The following STAG1 variants were observed in gnomAD, a reference collection of about 807,000 sequenced individuals.
The protein encoded by STAG1 is cohesin subunit SA-1.
Under a neutral mutation model 170.9 loss-of-function variants are expected in STAG1, and 26 were observed. The ratio of observed to expected loss-of-function variants is 0.15; its 90% CI spans 0.11 to 0.21. The LOEUF is 0.21. STAG1 is among the 10% of genes least tolerant of loss of function. The probability of loss-of-function intolerance (pLI) is 1.00; values close to 1 mark genes in which losing one functional copy is unlikely to be tolerated. For missense variants in STAG1, 964 were observed against 1,509.5 expected (o/e 0.64, Z 5.99); for synonymous variants, 514 against 497.7 (o/e 1.03, Z -0.44).
At chr3:136,493,121 G>A (rs2090152900) in intron 9 of STAG1, among the ~76,000 whole-genome samples, 1 of 151,904 alleles carries the variant, frequency 6.6e-6, no homozygotes, top group Admixed American at 6.6e-5. Context: ...GGTGGTAAAT[G>A]GCTTGAGCCC....
At chr3:136,355,260 G>A (rs1357667076) in intron 28 of STAG1, among the ~76,000 whole-genome samples, 1 of 149,084 alleles carries the variant, frequency 6.7e-6, no homozygotes, top group Non-Finnish European at 1.5e-5. Context: ...GCTGAGGCAG[G>A]AGAATCGCTG....
chr3:136,642,993 T>C (rs1177878160), intron 1 of STAG1, among the ~76,000 whole-genome samples: 2 of 152,224 alleles, frequency 1.3e-5, no homozygotes, highest in Non-Finnish European at 2.9e-5. Flanking sequence ...GTCTGTCTTC[T>C]CTTCTTATAA....
In STAG1 at chr3:136,363,651, A is replaced by C. The variant is rs150309721; in HGVS notation, c.2686-184T>G. Among the ~76,000 whole-genome samples the C allele has an allele frequency of 1.2e-3, 176 of 152,368 alleles. 1 individual carries two copies. The highest frequency in any genetic ancestry group is 4.1e-3 in the African/African-American group (171 of 41,590). ...TCATCTTAAACATAACAGGAGTTAAATAACTAAAGTTACAGGAATGCACAT... is the reference window on the plus strand; with the variant it reads ...TCATCTTAAACATAACAGGAGTTAACTAACTAAAGTTACAGGAATGCACAT... On this transcript the variant is annotated intron_variant, in intron 25 of 33. Coordinates refer to ENST00000383202, the MANE Select transcript of STAG1 (RefSeq NM_005862.3).
chr3:136,584,527 G>C (rs948404431), intron 4 of STAG1, among the ~76,000 whole-genome samples: 12 of 152,264 alleles, frequency 7.9e-5, no homozygotes, highest in African/African-American at 2.9e-4. Context: ...AGCCTCATAA[G>C]CCATCCCTCC....
intron 29 of STAG1, among the ~76,000 whole-genome samples, chr3:136,344,585 C>A (rs933057270): frequency 1.3e-5 from 2 of 151,932 alleles, no homozygotes; most frequent in African/African-American, 4.8e-5. Flanking sequence ...CCCTGATTAC[C>A]CCTACCCAAC....
At chr3:136,396,778 G>A (rs914904285) in intron 22 of STAG1, among the ~76,000 whole-genome samples, 10 of 151,566 alleles carry the variant, frequency 6.6e-5, no homozygotes, top group African/African-American at 2.4e-4. Context: ...TGCCCGCCTC[G>A]GCCTCCCAAA....
intron 5 of STAG1, among the ~76,000 whole-genome samples, chr3:136,550,062 G>A (rs1043730328): frequency 1.5e-4 from 23 of 152,004 alleles, no homozygotes; most frequent in Middle Eastern, 3.2e-3. Context: ...ACTCATCAGG[G>A]ATCTATACTG....
chr3:136,631,901 C>A (rs192777739), intron 1 of STAG1, among the ~76,000 whole-genome samples: 8 of 152,054 alleles, frequency 5.3e-5, no homozygotes, highest in Non-Finnish European at 1.0e-4. Context: ...TTCAAAAAAT[C>A]ATGTAAGATA....
At chr3:136,687,967 C>T (rs1942592914) in intron 1 of STAG1, among the ~76,000 whole-genome samples, 1 of 152,120 alleles carries the variant, frequency 6.6e-6, no homozygotes. Context: ...AAACTCATGA[C>T]CTCATGTGAT....
At chr3:136,502,281 G>A (rs145711941) in intron 8 of STAG1, among the ~76,000 whole-genome samples, 1 of 151,700 alleles carries the variant, frequency 6.6e-6, no homozygotes, top group Non-Finnish European at 1.5e-5. Context: ...ATACCAGCTA[G>A]TATGTAGCCT....
At chr3:136,380,561 C>T (rs187597075) in intron 22 of STAG1, among the ~76,000 whole-genome samples, 1 of 151,620 alleles carries the variant, frequency 6.6e-6, no homozygotes, top group Admixed American at 6.6e-5. Flanking sequence ...AGAATGAGGG[C>T]CTGAAAATAA....
intron 12 of STAG1, among the ~76,000 whole-genome samples, chr3:136,468,560 T>C (rs188638398): frequency 0.014 from 2,100 of 152,170 alleles, 43 homozygotes; most frequent in African/African-American, 0.046. Flanking sequence ...GGATTCACAG[T>C]CGAATTCTAC....
chr3:136,749,909 TA>T (rs111943900), intron 1 of STAG1, among the ~76,000 whole-genome samples: 11,899 of 139,442 alleles, frequency 0.085, 482 homozygotes, highest in Non-Finnish European at 0.1. Flanking sequence ...TGTTATGCAT[TA>T]AAAAAAAAAA....
At position 136,359,198 on chromosome 3, in the gene STAG1, T is replaced by C. The variant is rs61748114; in HGVS notation, c.2886A>G (p.Thr962=). 1,428 of 1,613,892 alleles carry C rather than the reference T, an allele frequency of 8.8e-4. 15 individuals are homozygous for C. In the African/African-American group the frequency reaches 0.017, roughly 19 times the overall value. ...GTGTCTTAATCTGGTCCAATCCAAA[T>C]GTAAGGGCAAAGCGACGTGCCAGTT... is the stretch of plus-strand genomic sequence containing the variant. ...IKELARRFAL[T]FGLDQIKTRE... is the part of the protein sequence containing the mutation. Residue 962 remains threonine (T), a synonymous_variant, in exon 27 of 34, where the codon ACA becomes ACG. Transcript: ENST00000383202.
chr3:136,400,289 G>A (rs1024490846), intron 21 of STAG1, among the ~76,000 whole-genome samples: 1 of 151,680 alleles, frequency 6.6e-6, no homozygotes, highest in Non-Finnish European at 1.5e-5. Context: ...GTGCAGTGGC[G>A]TGATCTCGGC....
intron 32 of STAG1, 64 bp downstream of exon 32, chr3:136,340,427 G>A: frequency 4.6e-6 from 5 of 1,092,098 alleles, no homozygotes; most frequent in Non-Finnish European, 7.0e-6. Context: ...CGGCCTAAGA[G>A]GATCATCTTA....
chr3:136,374,454 C>CT (rs1211961560), intron 23 of STAG1, among the ~76,000 whole-genome samples: 6 of 151,996 alleles, frequency 3.9e-5, no homozygotes, highest in Non-Finnish European at 7.4e-5. Flanking sequence ...CCCATCTCTA[C>CT]TAAAAATACA....
At chr3:136,534,285 G>A (rs1210876303) in intron 6 of STAG1, among the ~76,000 whole-genome samples, 1 of 152,062 alleles carries the variant, frequency 6.6e-6, no homozygotes, top group Non-Finnish European at 1.5e-5. Context: ...TGTAAGACCT[G>A]AACCTATAAA....
intron 1 of STAG1, among the ~76,000 whole-genome samples, chr3:136,671,154 G>A (rs920785144): frequency 2.6e-5 from 4 of 152,024 alleles, no homozygotes; most frequent in Admixed American, 1.3e-4. Flanking sequence ...GCATGGTGGC[G>A]CAGCCTGTAA....
Sources: allele counts gnomAD v4.1 joint callset (sites outside exome capture counted in the v4.1 genomes callset), GRCh38; gene constraint gnomAD v4.1.1; transcripts MANE v1.5; gene names NCBI Gene and HGNC (gene_info 2026-07-23, HGNC 2026-07-21).